MOGAT1: variants seen among roughly 807,000 people sequenced by gnomAD.
MOGAT1 encodes 2-acylglycerol O-acyltransferase 1.
In MOGAT1, 32 loss-of-function variants were observed where a neutral mutation model predicts 31.4. The ratio of observed to expected loss-of-function variants is 1.02; its 90% confidence interval spans 0.77 to 1.37. MOGAT1 has a LOEUF of 1.37. Ranked by LOEUF, MOGAT1 falls within the 40% of genes most tolerant of loss-of-function variation. The pLI, the probability that MOGAT1 is intolerant of heterozygous loss-of-function variation, is 0.00. For synonymous variants in MOGAT1, 145 were observed against 144.5 expected, an observed-to-expected ratio of 1.00 and a Z score of -0.03; for missense variants, 426 against 402.0, an observed-to-expected ratio of 1.06 and a Z score of -0.51.
Position 222,671,673 on chromosome 2 carries a change from C to A in MOGAT1, c.-113C>A. ...CCTAGCCTCTGCCTTTTCCTCTCCG[C>A]CCAGCCAGTGCCCAGCGCGGGGCCC... is the stretch of plus-strand genomic sequence containing the variant. On this transcript the variant is annotated 5_prime_UTR_variant, in exon 1 of 6. Coordinates refer to ENST00000446656, the MANE Select transcript of MOGAT1 (RefSeq NM_058165.3). 1 of 895,926 alleles carries A rather than the reference C, an allele frequency of 1.1e-6. No homozygotes were observed. Among genetic ancestry groups the A allele is most frequent in the Non-Finnish European group, 1.7e-6 (1 of 582,080 alleles). The allele number at this position is 895,926 out of a possible 1,614,324, so 55.5% of individuals were successfully genotyped here.
chr2:222,681,268 C>A (rs534156718), intron 1 of MOGAT1, among the ~76,000 whole-genome samples: 28 of 152,292 alleles, frequency 1.8e-4, no homozygotes, highest in Middle Eastern at 3.4e-3. Context: ...TAGATGCCAA[C>A]CACAAGTCCA....
intron 3 of MOGAT1, among the ~76,000 whole-genome samples, chr2:222,691,211 T>A (rs929860708): frequency 1.3e-5 from 2 of 151,930 alleles, no homozygotes; most frequent in Non-Finnish European, 2.9e-5. Context: ...TTTATTTTAT[T>A]TTATTTTTTT....
At position 222,689,433 on chromosome 2, in the gene MOGAT1, T is replaced by G. The variant is rs1376514407; in HGVS notation, c.442T>G (p.Trp148Gly). The G allele has an allele frequency of 2.5e-6, 4 of 1,614,074 alleles. No homozygotes were observed. The highest frequency in any genetic ancestry group is 3.3e-4 in the Middle Eastern group (2 of 6,062). Residue 148 changes from tryptophan to glycine, a missense_variant, in exon 3 of 6, where the codon TGG becomes GGG. Trp to Gly is a radical substitution (Grantham distance 184). Coordinates refer to ENST00000446656, the MANE Select transcript of MOGAT1 (RefSeq NM_058165.3). ...SYLHVLPLWF[W>G]CPVFREYVMS... is the part of the protein sequence containing the mutation. ...TCTTCACGTGCTGCCACTTTGGTTC[T>G]GGTGTCCTGTCTTTCGAGAATATGT...
In MOGAT1 at chr2:222,681,327, C is replaced by A. The variant is rs145266409; in HGVS notation, c.95-7017C>A. On this transcript the variant is annotated intron_variant, in intron 1 of 5. Transcript: ENST00000446656. The stretch of plus-strand genomic sequence containing the variant: ...GACGGCTACAAATTGAGGATTCACA[C>A]GACCTCCTCCTTGGACTCTGTCATT... Among the ~76,000 whole-genome samples the A allele has an allele frequency of 5.8e-3, 883 of 152,294 alleles. 12 individuals are homozygous for A. Among genetic ancestry groups the A allele is most frequent in the African/African-American group, 0.019 (806 of 41,554 alleles).
At chr2:222,679,068 T>G (rs963124344) in intron 1 of MOGAT1, among the ~76,000 whole-genome samples, 4 of 152,238 alleles carry the variant, frequency 2.6e-5, no homozygotes, top group African/African-American at 9.6e-5. Flanking sequence ...TTAATTTTTG[T>G]GTGTGGTACA....
In MOGAT1 at chr2:222,671,798, T is replaced by C. The variant is rs755487022; in HGVS notation, c.13T>C (p.Phe5Leu). The C allele has an allele frequency of 9.0e-6, 14 of 1,552,274 alleles. No individual in the cohort carries two copies. Among genetic ancestry groups the C allele is most frequent in the Middle Eastern group, 1.7e-4 (1 of 5,962 alleles). Residue 5 changes from phenylalanine to leucine, a missense_variant, in exon 1 of 6, where the codon TTT becomes CTT. Phe to Leu is a conservative substitution (Grantham distance 22). Transcript: ENST00000446656. MKVE[F>L]APLNIQLARR... is the part of the protein sequence containing the mutation. ...GCCCGGCCAGGCCATGAAGGTAGAG[T>C]TTGCACCGCTCAACATCCAGCTGGC...
intron 5 of MOGAT1, among the ~76,000 whole-genome samples, chr2:222,704,548 C>A (rs1209973581): frequency 6.6e-6 from 1 of 151,760 alleles, no homozygotes. Flanking sequence ...GGCGTGAACC[C>A]GGGAGGCGGA....
intron 1 of MOGAT1, among the ~76,000 whole-genome samples, chr2:222,673,302 A>C (rs1574967539): frequency 8.5e-6 from 1 of 118,016 alleles, no homozygotes; most frequent in Admixed American, 1.1e-4. Context: ...TCTCCGAGTG[A>C]CTCTCCTGTG....
intron 3 of MOGAT1, among the ~76,000 whole-genome samples, chr2:222,690,529 C>T (rs1692743151): frequency 6.6e-6 from 1 of 151,760 alleles, no homozygotes; most frequent in East Asian, 1.9e-4. Flanking sequence ...TGCACTCCAG[C>T]CCGGGCGACA....
At chr2:222,681,787 G>A (rs1053768677) in intron 1 of MOGAT1, among the ~76,000 whole-genome samples, 5 of 152,082 alleles carry the variant, frequency 3.3e-5, no homozygotes, top group Admixed American at 2.6e-4. Context: ...CAAGGGATTG[G>A]GAGCTCAGCG....
rs931795345 is a variant in MOGAT1 at position 222,671,905 on chromosome 2, G to A, written c.94+26G>A. On this transcript the variant is annotated intron_variant, in intron 1 of 5. Transcript: ENST00000446656. ...GTAAGGACCCCGCCCCCCGGGCCGC[G>A]GGGCTTGGGCTCCATATCCTCCCTC... 3.3e-6 allele frequency: 5 copies of A among 1,533,442 alleles called. No individual in the cohort carries two copies. In the African/African-American group the frequency reaches 6.9e-5, roughly 21 times the overall value. The allele number at this position is 1,533,442 out of a possible 1,614,324, so 95.0% of individuals were successfully genotyped here. A position where few individuals can be genotyped will look rare whatever the true frequency, so the allele number is the denominator to read the frequency against.
At chr2:222,671,988 G>C in intron 1 of MOGAT1, 109 bp downstream of exon 1, 1 of 880,826 alleles carries the variant, frequency 1.1e-6, no homozygotes, top group Non-Finnish European at 1.8e-6. Context: ...TCCCCTGTCG[G>C]CCAGAGCAGG....
At chr2:222,676,630 C>G (rs919571754) in intron 1 of MOGAT1, among the ~76,000 whole-genome samples, 7 of 152,176 alleles carry the variant, frequency 4.6e-5, no homozygotes, top group Admixed American at 3.3e-4. Flanking sequence ...GATTATATGA[C>G]AGTTGCAGGT....
chr2:222,681,396 C>T (rs1692578843), intron 1 of MOGAT1, among the ~76,000 whole-genome samples: 1 of 152,136 alleles, frequency 6.6e-6, no homozygotes. Context: ...TTATGTTTGG[C>T]AGTTTATTAT....
rs1366906757 is a variant in MOGAT1, at chr2:222,709,771, C to G, written c.889C>G (p.Pro297Ala). 3 of 1,613,062 alleles carry G rather than the reference C, an allele frequency of 1.9e-6. No individual in the cohort carries two copies. In the African/African-American group the frequency reaches 4.0e-5, roughly 22 times the overall value. ...RPIPVRQTLN[P>A]TQEQIEELHQ... ...GATCCCTGTTCGTCAGACTCTGAAC[C>G]CGACCCAGGAGCAGATTGAGGAGTT... The change falls in exon 6 of 6, where the codon CCG (proline) becomes GCG (alanine). Residue 297 changes from proline (P) to alanine (A), a missense_variant. Physicochemically the swap from Pro to Ala is conservative, Grantham distance 27. Transcript: ENST00000446656.
At chr2:222,681,799 C>T (rs1692584921) in intron 1 of MOGAT1, among the ~76,000 whole-genome samples, 1 of 152,056 alleles carries the variant, frequency 6.6e-6, no homozygotes, top group African/African-American at 2.4e-5. Flanking sequence ...AGCTCAGCGT[C>T]AGGACTGGGG....
chr2:222,696,682 TA>T (rs1261358871), intron 5 of MOGAT1, among the ~76,000 whole-genome samples: 2 of 152,146 alleles, frequency 1.3e-5, no homozygotes, highest in Non-Finnish European at 2.9e-5. Context: ...CATTTTATTT[TA>T]AAAAGCTGCA....
intron 4 of MOGAT1, 47 bp downstream of exon 4, chr2:222,694,583 T>C (rs767957275): frequency 1.5e-5 from 23 of 1,567,192 alleles, no homozygotes; most frequent in Non-Finnish European, 1.9e-5. Context: ...AGTTAAGACA[T>C]TATTAAACAA....
At chr2:222,676,980 A>G (rs978762261) in intron 1 of MOGAT1, among the ~76,000 whole-genome samples, 3 of 152,222 alleles carry the variant, frequency 2.0e-5, no homozygotes, top group Non-Finnish European at 4.4e-5. Flanking sequence ...CCACAATTAT[A>G]CTAATTGTCA....
Sources: allele counts gnomAD v4.1 joint callset (sites outside exome capture counted in the v4.1 genomes callset), GRCh38; gene constraint gnomAD v4.1.1; transcripts MANE v1.5; gene names NCBI Gene and HGNC (gene_info 2026-07-23, HGNC 2026-07-21).